MACF1: variants seen among roughly 807,000 people sequenced by gnomAD.
MACF1 encodes microtubule-actin cross-linking factor 1.
In MACF1, 193 loss-of-function variants were observed where a neutral mutation model predicts 854.8. The ratio of observed to expected loss-of-function variants is 0.23; its 90% CI spans 0.20 to 0.25. The LOEUF (loss-of-function observed/expected upper bound fraction) is 0.25. Among genes scored for constraint, MACF1 ranks in the 10% least tolerant of loss-of-function variants. The pLI, the probability that MACF1 is intolerant of heterozygous loss-of-function variation, is 1.00. For missense variants in MACF1, 7,722 were observed against 8,929.1 expected (o/e 0.86, Z 5.45); for synonymous variants, 3,185 against 3,226.7 (o/e 0.99, Z 0.44).
rs542800899 is a variant in MACF1 at position 39,283,826 on chromosome 1, C to A, written c.916-240C>A. On this transcript the variant is annotated intron_variant, in intron 9 of 100. Coordinates refer to ENST00000564288, the MANE Select transcript of MACF1 (RefSeq NM_001394062.1). The surrounding 1 kb of genome is among the most constrained non-coding windows in gnomAD (Gnocchi z 4.5). ...ATCAGCTTGATTAGGTAGATCATGG[C>A]TCTTTTCAGAATATTTTTAGTAGCT... Among the ~76,000 whole-genome samples the A allele has an allele frequency of 1.5e-4, 22 of 150,696 alleles. No individual in the cohort carries two copies. The highest frequency in any genetic ancestry group is 4.5e-4 in the African/African-American group (18 of 40,092).
At chr1:39,206,777 G>C (rs915712478) in intron 1 of MACF1, 9 of 151,962 alleles carry the variant, frequency 5.9e-5, no homozygotes, top group African/African-American at 9.7e-5. Flanking sequence ...ACGAGATTCT[G>C]TACCCATTTT....
intron 3 of MACF1, among the ~76,000 whole-genome samples, chr1:39,250,395 T>G (rs1645027867): frequency 1.3e-5 from 2 of 152,218 alleles, no homozygotes; most frequent in South Asian, 4.1e-4. Context: ...TTCTAGATAC[T>G]AATATTTCAG....
intron 89 of MACF1, chr1:39,457,593 A>G (rs1189424936): frequency 6.6e-6 from 1 of 152,218 alleles, no homozygotes; most frequent in African/African-American, 2.4e-5. Context: ...TAAATGGCCA[A>G]CCCTTAGCCT....
chr1:39,188,060 T>G (rs543603224), intron 2 of MACF1, among the ~76,000 whole-genome samples: 22 of 149,602 alleles, frequency 1.5e-4, no homozygotes. Flanking sequence ...TCTTCTGAGC[T>G]CCTTCTATTT....
In MACF1 at chr1:39,335,508, A is replaced by C. The variant is rs745549273; in HGVS notation, c.8920A>C (p.Lys2974Gln). 6 of 1,614,064 alleles carry C rather than the reference A, an allele frequency of 3.7e-6. No individual in the cohort carries two copies. The highest frequency in any genetic ancestry group is 5.1e-6 in the Non-Finnish European group (6 of 1,180,024). The change falls in exon 37 of 101, where the codon AAG becomes CAG. Residue 2974 changes from lysine (K) to glutamine (Q), a missense_variant. Lys to Gln is a moderately conservative substitution (Grantham distance 53). Transcript: ENST00000564288. ...QQPMNARVKS[K>Q]REKREVIVEE... ...ACCAATGAATGCTCGGGTGAAAAGTAAGAGAGAGAAGAGGGAGGTGATTGT... is the reference window on the plus strand; with the variant it reads ...ACCAATGAATGCTCGGGTGAAAAGTCAGAGAGAGAAGAGGGAGGTGATTGT...
intron 36 of MACF1, among the ~76,000 whole-genome samples, chr1:39,330,890 C>T (rs952310134): frequency 1.1e-3 from 167 of 152,036 alleles, no homozygotes; most frequent in African/African-American, 3.8e-3. Context: ...CAACCTCCAC[C>T]TCCCGGGTTC....
At chr1:39,284,802 C>T (rs1246016341) in intron 11 of MACF1, among the ~76,000 whole-genome samples, 1 of 151,870 alleles carries the variant, frequency 6.6e-6, no homozygotes, top group Non-Finnish European at 1.5e-5. Flanking sequence ...TTTAACCTTG[C>T]CAGAATAAAA....
At chr1:39,107,110 C>T (rs1433144369) in intron 2 of MACF1, among the ~76,000 whole-genome samples, 1 of 152,126 alleles carries the variant, frequency 6.6e-6, no homozygotes, top group Non-Finnish European at 1.5e-5. Context: ...TTGAGTAACA[C>T]TGCTCTCTTC....
rs183973108 is a variant in MACF1 at position 39,245,478 on chromosome 1, C to T, written c.172-4536C>T. On this transcript the variant is annotated intron_variant, in intron 2 of 100. Transcript: ENST00000564288. Reference sequence around the variant, plus strand: ...ATTTTTAGTGGAGACAGGGTTTTGTCATGTTGGCCAGGCTTGTCTTAAACT... The same window carrying T: ...ATTTTTAGTGGAGACAGGGTTTTGTTATGTTGGCCAGGCTTGTCTTAAACT... 2.0e-3 allele frequency among the ~76,000 whole-genome samples: 305 copies of T among 152,196 alleles called. 2 individuals carry two copies. Among genetic ancestry groups the T allele is most frequent in the African/African-American group, 7.1e-3 (295 of 41,508 alleles).
intron 40 of MACF1, among the ~76,000 whole-genome samples, chr1:39,342,299 T>C (rs1646951979): frequency 1.3e-5 from 2 of 152,136 alleles, no homozygotes; most frequent in African/African-American, 4.8e-5. Flanking sequence ...CAGTGTACCA[T>C]TGATGGGCAT....
At chr1:39,153,098 C>A (rs1643616644) in intron 2 of MACF1, among the ~76,000 whole-genome samples, 1 of 152,144 alleles carries the variant, frequency 6.6e-6, no homozygotes. Context: ...AAGCTGTTGA[C>A]CTGACCTCTG....
At chr1:39,427,721 C>A in intron 62 of MACF1, 107 bp downstream of exon 62, 1 of 1,184,518 alleles carries the variant, frequency 8.4e-7, no homozygotes, top group Non-Finnish European at 1.2e-6. Context: ...GTGGGTTTAA[C>A]TTAAAATATG....
intron 2 of MACF1, among the ~76,000 whole-genome samples, chr1:39,141,278 G>A (rs962639083): frequency 2.6e-5 from 4 of 152,088 alleles, no homozygotes; most frequent in Non-Finnish European, 4.4e-5. Flanking sequence ...TCACCTGCAG[G>A]GCATGTTAAA....
At chr1:39,466,123 C>T (rs556137041) in intron 95 of MACF1, among the ~76,000 whole-genome samples, 5 of 152,202 alleles carry the variant, frequency 3.3e-5, no homozygotes. Flanking sequence ...TCAAAGATCA[C>T]ATGCCTACTC....
intron 2 of MACF1, among the ~76,000 whole-genome samples, chr1:39,086,559 A>G (rs1237911510): frequency 6.6e-6 from 1 of 152,236 alleles, no homozygotes; most frequent in Non-Finnish European, 1.5e-5. Flanking sequence ...TCTCCTGAAG[A>G]GAGAGTGGGC....
At chr1:39,447,981 C>T (rs1644261746) in intron 82 of MACF1, 52 bp from the exon 83 acceptor site, 9 of 1,611,856 alleles carry the variant, frequency 5.6e-6, no homozygotes, top group Non-Finnish European at 5.9e-6. Flanking sequence ...CTCAAACGTG[C>T]TGTATAGTGT....
chr1:39,104,386 G>C (rs987948091), intron 2 of MACF1, among the ~76,000 whole-genome samples: 4 of 152,176 alleles, frequency 2.6e-5, no homozygotes, highest in Admixed American at 6.5e-5. Context: ...ATATTTTCCA[G>C]TTTCCTTTCT....
At position 39,380,367 on chromosome 1, in the gene MACF1, G is replaced by A; in HGVS notation, c.13642G>A (p.Glu4548Lys). The A allele has an allele frequency of 6.2e-7, 1 of 1,612,802 alleles. No individual in the cohort carries two copies. The highest frequency in any genetic ancestry group is 8.5e-7 in the Non-Finnish European group (1 of 1,179,526). ...EAENWKKIQE[E>K]LNSRWERATE... ...AGAAAATTGGAAGAAAATTCAGGAA[G>A]AACTCAGTAAGTTTTCACAAGAGTG... The change falls in exon 55 of 101, where the codon GAA becomes AAA. Residue 4548 changes from glutamate (E) to lysine (K), a missense_variant. By Grantham distance (56) the Glu-to-Lys change is moderately conservative (BLOSUM62 1). Around this residue, in one of 15 missense-constraint regions of MACF1, gnomAD observed 2,807 missense variants for 3,235.8 expected, o/e 0.87. Coordinates refer to ENST00000564288, the MANE Select transcript of MACF1 (RefSeq NM_001394062.1).
intron 6 of MACF1, among the ~76,000 whole-genome samples, chr1:39,272,637 A>G (rs1208187520): frequency 6.6e-6 from 1 of 152,182 alleles, no homozygotes; most frequent in African/African-American, 2.4e-5. Context: ...TGAGAGTGAG[A>G]CCAGGCTATG....
Sources: allele counts gnomAD v4.1 joint callset (sites outside exome capture counted in the v4.1 genomes callset), GRCh38; gene constraint gnomAD v4.1.1; regional missense constraint gnomAD v4.1.1; non-coding constraint Gnocchi (gnomAD v3.1); transcripts MANE v1.5; gene names NCBI Gene and HGNC (gene_info 2026-07-23, HGNC 2026-07-21).